LRP6: variants seen among roughly 807,000 people sequenced by gnomAD.
The protein encoded by LRP6 is LDL receptor related protein 6.
A neutral mutation model predicts 184.1 loss-of-function variants in LRP6; 43 were observed. That is an observed-to-expected ratio of 0.23 (90% confidence interval 0.18 to 0.30). The LOEUF (loss-of-function observed/expected upper bound fraction) is 0.30. Ranked by LOEUF, LRP6 falls within the 10% of genes least tolerant of loss-of-function variation. LRP6 has a pLI of 1.00. For synonymous variants in LRP6, 719 were observed against 684.9 expected, an observed-to-expected ratio of 1.05 and a Z score of -0.78; for missense variants, 1,571 against 2,005.3, an observed-to-expected ratio of 0.78 and a Z score of 4.14.
At chr12:12,141,220 GAA>G (rs1489008327) in intron 15 of LRP6, among the ~76,000 whole-genome samples, 1 of 151,358 alleles carries the variant, frequency 6.6e-6, no homozygotes, top group East Asian at 1.9e-4. Context: ...TGGAGAGAAA[GAA>G]AAAAGGAAAG....
At chr12:12,231,872 G>A (rs898585295) in intron 2 of LRP6, among the ~76,000 whole-genome samples, 14 of 151,698 alleles carry the variant, frequency 9.2e-5, no homozygotes, top group South Asian at 2.1e-4. Flanking sequence ...AAAATTAGCC[G>A]GATGTGGTGG....
chr12:12,262,086 T>C (rs10845500), intron 1 of LRP6, among the ~76,000 whole-genome samples: 10,449 of 151,674 alleles, frequency 0.069, 427 homozygotes, highest in Admixed American at 0.095. Flanking sequence ...CTACTAAAAA[T>C]ACAAAAATTA....
In LRP6 at chr12:12,121,134, A is replaced by C; in HGVS notation, c.4834T>G (p.Ser1612Ala). 1 of 1,606,834 alleles carries C rather than the reference A, an allele frequency of 6.2e-7. No homozygotes were observed. Among genetic ancestry groups the C allele is most frequent in the Non-Finnish European group, 8.5e-7 (1 of 1,175,328 alleles). The change falls in exon 23 of 23, where the codon TCC becomes GCC. Residue 1612 changes from serine to alanine, a missense_variant. This residue lies in a region of LRP6 where 763 missense variants were observed against 859.5 expected (regional missense o/e 0.89). Coordinates refer to ENST00000261349, the MANE Select transcript of LRP6 (RefSeq NM_002336.3). ...AGGAGGAGGGCCCCTCCTCAGGAGG[A>C]GTCTGTACAGGGAGAGGGTGGCGGT... ...YPPPPSPCTD[S>A]S
At chr12:12,199,671 T>G (rs959718167) in intron 3 of LRP6, among the ~76,000 whole-genome samples, 1 of 151,760 alleles carries the variant, frequency 6.6e-6, no homozygotes, top group Non-Finnish European at 1.5e-5. Flanking sequence ...AATTCAGTAA[T>G]AAAACAAGGC....
intron 17 of LRP6, among the ~76,000 whole-genome samples, chr12:12,134,945 C>T (rs538607727): frequency 1.5e-4 from 23 of 152,128 alleles, no homozygotes; most frequent in South Asian, 6.2e-4. Flanking sequence ...TGATCTCACA[C>T]GTGGAGTGTA....
chr12:12,180,864 A>T (rs752044777), intron 6 of LRP6, among the ~76,000 whole-genome samples, 179 bp downstream of exon 6: 1 of 152,174 alleles, frequency 6.6e-6, no homozygotes, highest in Non-Finnish European at 1.5e-5. Context: ...CCAAGGCAAA[A>T]AACTAGCAAT....
intron 17 of LRP6, 125 bp from the exon 18 acceptor site, chr12:12,132,182 G>T (rs764052517): frequency 1.7e-5 from 12 of 716,420 alleles, no homozygotes; most frequent in Non-Finnish European, 3.1e-5. Flanking sequence ...TAATAAATAT[G>T]ATTTATAACT....
chr12:12,116,392 T>C lies in LRP6; in HGVS notation c.*4734A>G, dbSNP rs1460693628. The C allele has an allele frequency of 6.6e-6, 1 of 152,228 alleles. No homozygotes were observed. Among genetic ancestry groups the C allele is most frequent in the African/African-American group, 2.4e-5 (1 of 41,464 alleles). 9.4% of individuals were successfully genotyped at this position (152,228 alleles called of 1,614,324 possible). ...CTAGTCCAGTTTAATCTTCTTGGTA[T>C]CCTCTCTACTTTTTAACATTTTTCC... On this transcript the variant is annotated 3_prime_UTR_variant, in exon 23 of 23. Coordinates refer to ENST00000261349, the MANE Select transcript of LRP6 (RefSeq NM_002336.3).
chr12:12,256,284 C>T (rs1191924839), intron 1 of LRP6, among the ~76,000 whole-genome samples: 2 of 152,300 alleles, frequency 1.3e-5, no homozygotes, highest in African/African-American at 4.8e-5. Flanking sequence ...TTAGGCCAGG[C>T]GCGGTGGCTC....
At chr12:12,202,347 A>G (rs1253495051) in intron 3 of LRP6, among the ~76,000 whole-genome samples, 1 of 152,232 alleles carries the variant, frequency 6.6e-6, no homozygotes, top group Non-Finnish European at 1.5e-5. Flanking sequence ...GCATAAGACC[A>G]GCCTGGGCAA....
chr12:12,196,276 G>A (rs917611295), intron 3 of LRP6, among the ~76,000 whole-genome samples: 1 of 151,566 alleles, frequency 6.6e-6, no homozygotes, highest in African/African-American at 2.4e-5. Context: ...TCTGCAGGTT[G>A]CTTTGGGTAG....
rs1337644954 is a variant in LRP6 at position 12,132,109 on chromosome 12, CA to C, written c.3734-53del. On this transcript the variant is annotated intron_variant, in intron 17 of 22. Transcript: ENST00000261349. Reference sequence around the variant, plus strand: ...TGACAAAAACACAATCATGGTCACACAGAAGTACAAACACATACCTGAGTGA... The same window carrying C: ...TGACAAAAACACAATCATGGTCACACGAAGTACAAACACATACCTGAGTGA... 5.2e-6 allele frequency: 6 copies of C among 1,161,696 alleles called. No individual in the cohort carries two copies. The South Asian group carries it at 7.3e-5, about 14-fold the overall frequency. 72.0% of individuals were successfully genotyped at this position (1,161,696 alleles called of 1,614,324 possible).
chr12:12,175,600 T>C (rs545706070), intron 7 of LRP6, among the ~76,000 whole-genome samples: 5 of 146,120 alleles, frequency 3.4e-5, no homozygotes, highest in South Asian at 2.2e-4. Flanking sequence ...GGCAGGAAAA[T>C]TGCGTGAACC....
At chr12:12,218,505 A>T (rs1180252512) in intron 2 of LRP6, among the ~76,000 whole-genome samples, 1 of 148,316 alleles carries the variant, frequency 6.7e-6, no homozygotes, top group African/African-American at 2.5e-5. Context: ...AATAATAATA[A>T]TAATAATAAT....
At chr12:12,143,544 C>T (rs896975637) in intron 15 of LRP6, among the ~76,000 whole-genome samples, 1 of 152,054 alleles carries the variant, frequency 6.6e-6, no homozygotes, top group African/African-American at 2.4e-5. Flanking sequence ...GGCAAAGTGA[C>T]CAAGGGAACA....
intron 19 of LRP6, among the ~76,000 whole-genome samples, chr12:12,128,508 T>C (rs947777041): frequency 7.9e-5 from 12 of 152,182 alleles, no homozygotes; most frequent in African/African-American, 2.9e-4. Flanking sequence ...ATCAACTTCC[T>C]GAAGAGCTTC....
intron 7 of LRP6, among the ~76,000 whole-genome samples, chr12:12,173,172 T>A (rs1274037828): frequency 6.6e-6 from 1 of 152,164 alleles, no homozygotes; most frequent in Non-Finnish European, 1.5e-5. Flanking sequence ...GATGAAGGCA[T>A]CATGATGACG....
At chr12:12,222,498 C>T (rs1565671820) in intron 2 of LRP6, among the ~76,000 whole-genome samples, 1 of 149,718 alleles carries the variant, frequency 6.7e-6, no homozygotes, top group African/African-American at 2.5e-5. Flanking sequence ...ATCCAGGAGG[C>T]GGAGGTTGCA....
chr12:12,257,779 C>CAAAAAAAAAAAAAAAAAAAAA (rs1163180718), intron 1 of LRP6, among the ~76,000 whole-genome samples: 4 of 35,322 alleles, frequency 1.1e-4, no homozygotes, highest in African/African-American at 4.4e-4. Flanking sequence ...CCTGTCTCTA[C>CAAAAAAAAAAAAAAAAAAAAA]AAAAAAAAAA....
Sources: gnomAD v4.1 joint callset for allele counts (sites outside exome capture counted in the v4.1 genomes callset) on GRCh38, gnomAD v4.1.1 for gene constraint, gnomAD v4.1.1 regional missense constraint, MANE v1.5 for transcripts, NCBI Gene and HGNC (gene_info 2026-07-23, HGNC 2026-07-21) for gene names.